Variants in CASR observed in about 807,000 individuals in gnomAD.
CASR encodes the protein calcium sensing receptor, also known as extracellular calcium-sensing receptor.
A neutral mutation model predicts 69.1 loss-of-function variants in CASR; 23 were observed. The ratio of observed to expected loss-of-function variants is 0.33; its 90% CI spans 0.24 to 0.47. The LOEUF is 0.47. Ranked by LOEUF, CASR falls within the 20% of genes least tolerant of loss-of-function variation. The probability of loss-of-function intolerance (pLI) is 1.00; values close to 1 mark genes in which losing one functional copy is unlikely to be tolerated. For missense variants in CASR, 924 were observed against 1,356.1 expected, an observed-to-expected ratio of 0.68 and a Z score of 5.00; for synonymous variants, 541 against 544.7, an observed-to-expected ratio of 0.99 and a Z score of 0.10.
chr3:122,187,802 A>G (rs997626628), intron 1 of CASR, among the ~76,000 whole-genome samples: 4 of 152,202 alleles, frequency 2.6e-5, no homozygotes, highest in Non-Finnish European at 5.9e-5. Flanking sequence ...AGGACCTGCA[A>G]GTGGTTCAAG....
At chr3:122,271,745 A>G (rs1019590119) in intron 4 of CASR, among the ~76,000 whole-genome samples, 4 of 152,060 alleles carry the variant, frequency 2.6e-5, no homozygotes, top group African/African-American at 7.2e-5. Flanking sequence ...ATATCCTCTA[A>G]CTGTCACTCC....
At chr3:122,232,336 C>T (rs1407472979) in intron 1 of CASR, among the ~76,000 whole-genome samples, 2 of 152,116 alleles carry the variant, frequency 1.3e-5, no homozygotes, top group Non-Finnish European at 2.9e-5. Context: ...ATGCAGAGAG[C>T]ACGAGAGTGA....
intron 3 of CASR, among the ~76,000 whole-genome samples, chr3:122,260,115 G>T (rs1455055911): frequency 1.3e-5 from 2 of 152,162 alleles, no homozygotes; most frequent in Non-Finnish European, 2.9e-5. Flanking sequence ...ACAGAGTGCT[G>T]CAAATGAGCT....
intron 1 of CASR, among the ~76,000 whole-genome samples, chr3:122,248,467 CTT>C (rs2074450230): frequency 6.6e-6 from 1 of 152,142 alleles, no homozygotes; most frequent in Non-Finnish European, 1.5e-5. Context: ...CTGTTAGTAT[CTT>C]TATGATCATT....
chr3:122,274,752 A>T (rs890545385), intron 4 of CASR, among the ~76,000 whole-genome samples: 13 of 152,172 alleles, frequency 8.5e-5, no homozygotes, highest in Admixed American at 6.5e-5. Flanking sequence ...ACCAAAAAAA[A>T]ATTAGCTCAG....
intron 1 of CASR, among the ~76,000 whole-genome samples, chr3:122,195,930 T>C (rs2107583473): frequency 6.6e-6 from 1 of 152,312 alleles, no homozygotes; most frequent in Non-Finnish European, 1.5e-5. Context: ...TAAAAAGCTT[T>C]TTAAAATATT....
At chr3:122,190,860 G>T (rs763616704) in intron 1 of CASR, among the ~76,000 whole-genome samples, 2 of 152,206 alleles carry the variant, frequency 1.3e-5, no homozygotes, top group Non-Finnish European at 2.9e-5. Flanking sequence ...GGCTGAGCAG[G>T]GAAGGTATTA....
Position 122,285,335 on chromosome 3 carries a change from A to C in CASR, c.*144A>C. The C allele has an allele frequency of 1.4e-6, 1 of 726,404 alleles. No individual in the cohort carries two copies. Among genetic ancestry groups the C allele is most frequent in the Non-Finnish European group, 2.4e-6 (1 of 413,180 alleles). The allele number at this position is 726,404 out of a possible 1,614,324, so 45.0% of individuals were successfully genotyped here. On this transcript the variant is annotated 3_prime_UTR_variant, in exon 7 of 7. Transcript: ENST00000639785. ...GCCCCGAATTTAGTCACACCATCTT[A>C]AATGACAGTGAATTGACCCATGTTC...
At chr3:122,237,077 T>C (rs1576840250) in intron 1 of CASR, among the ~76,000 whole-genome samples, 1 of 151,932 alleles carries the variant, frequency 6.6e-6, no homozygotes, top group Non-Finnish European at 1.5e-5. Context: ...CCTGGAAATT[T>C]GTAGAGATGC....
Position 122,284,832 on chromosome 3 carries a change from C to G in CASR, c.2878C>G (p.Pro960Ala). The change falls in exon 7 of 7, where the codon CCC (proline) becomes GCC (alanine). Residue 960 changes from proline (P) to alanine (A), a missense_variant. This residue lies in a region of CASR where 201 missense variants were observed against 228.8 expected (regional missense o/e 0.88). Transcript: ENST00000639785. ...ACAGCAGCAACGATCTCAGCAGCAG[C>G]CCAGATGCAAGCAGAAGGTCATCTT... ...LPQQQRSQQQ[P>A]RCKQKVIFGS... 1 of 1,614,190 alleles carries G rather than the reference C, an allele frequency of 6.2e-7. No homozygotes were observed. Among genetic ancestry groups the G allele is most frequent in the Non-Finnish European group, 8.5e-7 (1 of 1,180,028 alleles).
rs2074525250 is a variant in CASR, at chr3:122,253,980, C to T, written c.-210C>T. ...CACAGGAGGCCTCTGCATGATGTGG[C>T]TTCCAAAGACTCAAGGACCACCCAC... On this transcript the variant is annotated 5_prime_UTR_variant, in exon 2 of 7. Coordinates refer to ENST00000639785, the MANE Select transcript of CASR (RefSeq NM_000388.4). The T allele has an allele frequency of 1.6e-6, 1 of 609,386 alleles. No individual in the cohort carries two copies. Among genetic ancestry groups the T allele is most frequent in the South Asian group, 1.9e-5 (1 of 53,546 alleles). 37.7% of individuals were successfully genotyped at this position (609,386 alleles called of 1,614,324 possible).
chr3:122,252,410 A>AGG (rs1559954254), intron 1 of CASR, among the ~76,000 whole-genome samples: 6 of 7,460 alleles, frequency 8.0e-4, no homozygotes, highest in South Asian at 4.1e-3. Flanking sequence ...AAGGAAGGAA[A>AGG]AAGAAAGAAA....
At chr3:122,279,329 A>T (rs2074860131) in intron 5 of CASR, among the ~76,000 whole-genome samples, 1 of 152,252 alleles carries the variant, frequency 6.6e-6, no homozygotes, top group Non-Finnish European at 1.5e-5. Flanking sequence ...AGCCTAGCAG[A>T]AACCAAGAAG....
At chr3:122,256,217 T>C (rs754184800) in intron 2 of CASR, among the ~76,000 whole-genome samples, 3 of 152,230 alleles carry the variant, frequency 2.0e-5, no homozygotes, top group African/African-American at 4.8e-5. Flanking sequence ...GTTATTTGTT[T>C]ACAAAAATGA....
intron 1 of CASR, among the ~76,000 whole-genome samples, chr3:122,210,798 G>A (rs1410944762): frequency 1.3e-5 from 2 of 152,084 alleles, no homozygotes; most frequent in African/African-American, 2.4e-5. Flanking sequence ...TAAGCAAAAA[G>A]AACAAAGCTG....
At chr3:122,253,370 T>A (rs2107624049) in intron 1 of CASR, among the ~76,000 whole-genome samples, 1 of 152,338 alleles carries the variant, frequency 6.6e-6, no homozygotes, top group South Asian at 2.1e-4. Context: ...GCCTCCCAAG[T>A]AGCTGGGATT....
chr3:122,229,053 TA>T (rs904976094), intron 1 of CASR, among the ~76,000 whole-genome samples: 5 of 152,224 alleles, frequency 3.3e-5, no homozygotes, highest in African/African-American at 1.2e-4. Context: ...TTGATTTACA[TA>T]GCCTTGCCTA....
At chr3:122,188,020 C>T (rs576010687) in intron 1 of CASR, among the ~76,000 whole-genome samples, 1 of 152,238 alleles carries the variant, frequency 6.6e-6, no homozygotes, top group Middle Eastern at 3.4e-3. Context: ...ATAAGATATG[C>T]ACAGATTATG....
chr3:122,193,300 T>C (rs543655891), intron 1 of CASR, among the ~76,000 whole-genome samples: 9 of 152,164 alleles, frequency 5.9e-5, no homozygotes, highest in African/African-American at 2.2e-4. Flanking sequence ...CACTGCAACC[T>C]CCACCTCCTG....
Sources: gnomAD v4.1 joint callset for allele counts (sites outside exome capture counted in the v4.1 genomes callset) on GRCh38, gnomAD v4.1.1 for gene constraint, gnomAD v4.1.1 regional missense constraint, MANE v1.5 for transcripts, NCBI Gene and HGNC (gene_info 2026-07-23, HGNC 2026-07-21) for gene names.